The following CDH4 variants were observed in gnomAD, a reference collection of about 807,000 sequenced individuals.
CDH4 encodes cadherin-4.
In CDH4, 33 loss-of-function variants were observed where a neutral mutation model predicts 86.0. That is an observed-to-expected ratio of 0.38 (90% CI 0.29 to 0.51). CDH4 has a LOEUF of 0.51. CDH4 is among the 20% of genes least tolerant of loss of function. CDH4 has a pLI of 0.86. For missense variants in CDH4, 1,114 were observed against 1,307.4 expected (o/e 0.85, Z 2.28); for synonymous variants, 555 against 549.4 (o/e 1.01, Z -0.14).
At chr20:61,737,071 G>A (rs2088275168) in intron 2 of CDH4, among the ~76,000 whole-genome samples, 1 of 152,184 alleles carries the variant, frequency 6.6e-6, no homozygotes, top group Non-Finnish European at 1.5e-5. Context: ...GGGAAGGTTT[G>A]CCTCAGCATT....
At chr20:61,351,119 G>T (rs562429512) in intron 2 of CDH4, among the ~76,000 whole-genome samples, 1 of 152,150 alleles carries the variant, frequency 6.6e-6, no homozygotes, top group Admixed American at 6.5e-5. Flanking sequence ...GCTGTCCTCC[G>T]TGCTTTCAGA....
chr20:61,688,967 ATTC>A (rs1390335761), intron 2 of CDH4, among the ~76,000 whole-genome samples: 2 of 152,208 alleles, frequency 1.3e-5, no homozygotes, highest in African/African-American at 4.8e-5. Flanking sequence ...CCTGTATTTT[ATTC>A]TTTCAAACCG....
At chr20:61,548,351 C>T (rs1007813400) in intron 2 of CDH4, among the ~76,000 whole-genome samples, 4 of 152,088 alleles carry the variant, frequency 2.6e-5, no homozygotes, top group Admixed American at 6.5e-5. Context: ...AAGGGCCCAA[C>T]TTGTCCACCT....
chr20:61,312,408 G>A (rs1225002998), intron 2 of CDH4, among the ~76,000 whole-genome samples: 1 of 145,904 alleles, frequency 6.9e-6, no homozygotes, highest in African/African-American at 2.6e-5. Context: ...GTGTGTGCAT[G>A]TGTGTGTGCA....
Position 61,706,899 on chromosome 20 carries a change from G to T in CDH4, c.170-36664G>T, listed in dbSNP as rs538194171. 1.4e-4 allele frequency among the ~76,000 whole-genome samples: 22 copies of T among 152,372 alleles called. No homozygotes were observed. In the South Asian group the frequency reaches 4.3e-3, roughly 30 times the overall value. On this transcript the variant is annotated intron_variant, in intron 2 of 15. Coordinates refer to ENST00000614565, the MANE Select transcript of CDH4 (RefSeq NM_001794.5). ...GACCAGCTGAGATGCAATCCCCGCAGAGGGCTGAAGAGAGGCGTCTGTGGC... is the reference window on the plus strand; with the variant it reads ...GACCAGCTGAGATGCAATCCCCGCATAGGGCTGAAGAGAGGCGTCTGTGGC...
chr20:61,267,364 C>G (rs1011248511), intron 2 of CDH4, among the ~76,000 whole-genome samples: 2 of 152,128 alleles, frequency 1.3e-5, no homozygotes, highest in Admixed American at 1.3e-4. Context: ...GCCTCCGATT[C>G]CCCAGGGGCT....
chr20:61,565,170 G>GTGGCGGTGCTCTT (rs1555809040), intron 2 of CDH4, among the ~76,000 whole-genome samples: 1 of 127,148 alleles, frequency 7.9e-6, no homozygotes, highest in Non-Finnish European at 1.7e-5. Flanking sequence ...CTTGGTGATG[G>GTGGCGGTGCTCTT]GGTGGTGGTG....
At chr20:61,420,171 G>T (rs2085169559) in intron 2 of CDH4, among the ~76,000 whole-genome samples, 1 of 152,234 alleles carries the variant, frequency 6.6e-6, no homozygotes, top group African/African-American at 2.4e-5. Context: ...TCCCTCAGGA[G>T]TGTGAGCAGC....
chr20:61,361,700 G>A (rs1320839936), intron 2 of CDH4, among the ~76,000 whole-genome samples: 1 of 152,222 alleles, frequency 6.6e-6, no homozygotes, highest in East Asian at 1.9e-4. Flanking sequence ...TAAGAAGGGA[G>A]AGCTGGAGCC....
At chr20:61,733,984 G>T (rs534081830) in intron 2 of CDH4, among the ~76,000 whole-genome samples, 2 of 152,270 alleles carry the variant, frequency 1.3e-5, no homozygotes, top group Admixed American at 6.5e-5. Flanking sequence ...GAAGCGGAGC[G>T]CATGTCACTC....
At chr20:61,691,299 A>G (rs1027787853) in intron 2 of CDH4, among the ~76,000 whole-genome samples, 2 of 150,950 alleles carry the variant, frequency 1.3e-5, no homozygotes, top group Non-Finnish European at 3.0e-5. Context: ...ATGTGTGTGT[A>G]TGTATTTGTG....
chr20:61,752,922 T>A (rs1036048325), intron 3 of CDH4, among the ~76,000 whole-genome samples: 3 of 151,748 alleles, frequency 2.0e-5, no homozygotes, highest in South Asian at 2.1e-4. Context: ...TGGGAGGGAG[T>A]CTTGTGGCAA....
intron 2 of CDH4, among the ~76,000 whole-genome samples, chr20:61,390,154 C>T (rs555181373): frequency 4.6e-4 from 68 of 148,192 alleles, no homozygotes; most frequent in African/African-American, 1.6e-3. Flanking sequence ...TGGGTTCATG[C>T]GGTCATAAGG....
Position 61,663,020 on chromosome 20 carries a change from G to A in CDH4, c.170-80543G>A, listed in dbSNP as rs780645495. ...CCCACAGGCACTGGCACAGCGGCCC[G>A]GGGTAGAACCCATGGCCCTGACTCA... On this transcript the variant is annotated intron_variant, in intron 2 of 15. Transcript: ENST00000614565. The surrounding 1 kb of genome is among the most constrained non-coding windows in gnomAD (Gnocchi z 5.0). 9.9e-5 allele frequency among the ~76,000 whole-genome samples: 15 copies of A among 152,126 alleles called. No individual in the cohort carries two copies. The highest frequency in any genetic ancestry group is 2.4e-4 in the African/African-American group (10 of 41,442).
In CDH4 at chr20:61,595,589, T is replaced by A. The variant is rs1432342095; in HGVS notation, c.170-147974T>A. ...CCAGGAGTTAACGTTTTCTGTTACT[T>A]CTTTATTGTTTTTTTAGAAAATGTT... On this transcript the variant is annotated intron_variant, in intron 2 of 15. Coordinates refer to ENST00000614565, the MANE Select transcript of CDH4 (RefSeq NM_001794.5). Among the ~76,000 whole-genome samples the A allele has an allele frequency of 2.0e-5, 3 of 152,240 alleles. No homozygotes were observed. In the East Asian group the frequency reaches 5.8e-4, roughly 29 times the overall value.
intron 2 of CDH4, among the ~76,000 whole-genome samples, chr20:61,659,147 A>G (rs1055563144): frequency 6.6e-5 from 10 of 152,216 alleles, no homozygotes; most frequent in African/African-American, 2.4e-4. Context: ...AACACCCAAG[A>G]GACAGGAAGG....
intron 2 of CDH4, among the ~76,000 whole-genome samples, chr20:61,742,679 G>A (rs761831298): frequency 8.5e-5 from 13 of 152,126 alleles, no homozygotes; most frequent in African/African-American, 1.9e-4. Context: ...AATTTACCAC[G>A]GCTGTAGGTG....
chr20:61,751,883 C>T (rs2088500915), intron 3 of CDH4, among the ~76,000 whole-genome samples: 1 of 152,220 alleles, frequency 6.6e-6, no homozygotes, highest in Non-Finnish European at 1.5e-5. Flanking sequence ...CCTCACACCA[C>T]AACCAAAATC....
chr20:61,881,183 G>A (rs1402615830), intron 7 of CDH4, among the ~76,000 whole-genome samples: 5 of 152,212 alleles, frequency 3.3e-5, no homozygotes, highest in South Asian at 2.1e-4. Context: ...CTCCATCCAC[G>A]GACGCCACTG....
Sources: allele counts gnomAD v4.1 joint callset (sites outside exome capture counted in the v4.1 genomes callset), GRCh38; gene constraint gnomAD v4.1.1; non-coding constraint Gnocchi (gnomAD v3.1); transcripts MANE v1.5; gene names NCBI Gene and HGNC (gene_info 2026-07-23, HGNC 2026-07-21).